Variants in GRIK4 observed in about 807,000 individuals in gnomAD.
GRIK4 encodes glutamate receptor ionotropic, kainate 4.
A neutral mutation model predicts 104.9 loss-of-function variants in GRIK4; 40 were observed. That is an observed-to-expected ratio of 0.38 (90% confidence interval 0.30 to 0.50). GRIK4 has a LOEUF of 0.50. GRIK4 is among the 20% of genes least tolerant of loss of function. GRIK4 has a pLI of 0.93. For synonymous variants in GRIK4, 485 were observed against 524.9 expected, an observed-to-expected ratio of 0.92 and a Z score of 1.04; for missense variants, 1,047 against 1,308.1, an observed-to-expected ratio of 0.80 and a Z score of 3.08.
At chr11:120,631,131 C>T (rs113449449) in intron 1 of GRIK4, among the ~76,000 whole-genome samples, 240 of 152,364 alleles carry the variant, frequency 1.6e-3, no homozygotes, top group African/African-American at 5.5e-3. Context: ...GCACTCAGCA[C>T]GGTGTCCGGC....
chr11:120,610,303 G>A (rs1949018674), intron 1 of GRIK4, among the ~76,000 whole-genome samples: 2 of 152,242 alleles, frequency 1.3e-5, no homozygotes, highest in African/African-American at 4.8e-5. Context: ...GGAAGTTAGA[G>A]GGGTGATTAA....
At chr11:120,833,230 T>TGTGC (rs2135567087) in intron 7 of GRIK4, among the ~76,000 whole-genome samples, 1 of 152,308 alleles carries the variant, frequency 6.6e-6, no homozygotes, top group South Asian at 2.1e-4. Flanking sequence ...TGTCTGTCTG[T>TGTGC]GTGCGTATAC....
At chr11:120,895,843 T>A (rs1806387752) in intron 11 of GRIK4, among the ~76,000 whole-genome samples, 1 of 152,196 alleles carries the variant, frequency 6.6e-6, no homozygotes, top group South Asian at 2.1e-4. Context: ...CAGTAACTAT[T>A]ACCCTTTCCC....
At chr11:120,928,090 C>G (rs1465667893) in intron 13 of GRIK4, among the ~76,000 whole-genome samples, 6 of 151,702 alleles carry the variant, frequency 4.0e-5, no homozygotes, top group Non-Finnish European at 7.4e-5. Context: ...TGGTGCACAA[C>G]TGTAATCCCA....
At chr11:120,582,359 A>G (rs1220064630) in intron 1 of GRIK4, among the ~76,000 whole-genome samples, 1 of 151,766 alleles carries the variant, frequency 6.6e-6, no homozygotes, top group Non-Finnish European at 1.5e-5. Context: ...GGTTTGTTAT[A>G]TAGGTAAATT....
At chr11:120,927,878 G>C (rs772730687) in intron 13 of GRIK4, among the ~76,000 whole-genome samples, 5 of 152,026 alleles carry the variant, frequency 3.3e-5, no homozygotes, top group Non-Finnish European at 7.4e-5. Flanking sequence ...AGGTTAACAG[G>C]TATCAGCAGA....
At chr11:120,536,560 C>T (rs770814585) in intron 1 of GRIK4, among the ~76,000 whole-genome samples, 3 of 152,126 alleles carry the variant, frequency 2.0e-5, no homozygotes, top group African/African-American at 4.8e-5. Flanking sequence ...TTCAGGTACT[C>T]GCTTAGTCAC....
chr11:120,595,197 C>T (rs1030905513), intron 1 of GRIK4, among the ~76,000 whole-genome samples: 2 of 152,244 alleles, frequency 1.3e-5, no homozygotes, highest in South Asian at 2.1e-4. Context: ...AGCCCGTGGT[C>T]GTGCTGTGCC....
intron 3 of GRIK4, among the ~76,000 whole-genome samples, chr11:120,670,267 C>G (rs79030435): frequency 2.0e-5 from 3 of 152,108 alleles, no homozygotes. Flanking sequence ...CTTTCTTGCC[C>G]CTCACTTTTC....
chr11:120,928,590 GA>G (rs1456592983), intron 13 of GRIK4, among the ~76,000 whole-genome samples: 9 of 152,108 alleles, frequency 5.9e-5, no homozygotes, highest in Non-Finnish European at 1.3e-4. Flanking sequence ...TTGGCCTCTT[GA>G]GTCAGCTTGG....
intron 1 of GRIK4, among the ~76,000 whole-genome samples, chr11:120,578,255 A>C (rs1012998985): frequency 1.3e-5 from 2 of 152,162 alleles, no homozygotes; most frequent in African/African-American, 2.4e-5. Context: ...GGAAATGAGA[A>C]CATGGAGGGA....
At chr11:120,926,026 A>G (rs116652542) in intron 13 of GRIK4, among the ~76,000 whole-genome samples, 1 of 152,270 alleles carries the variant, frequency 6.6e-6, no homozygotes, top group African/African-American at 2.4e-5. Flanking sequence ...AAATGAGCAT[A>G]TCTTCCTGAA....
chr11:120,963,562 A>G (rs796238978), intron 18 of GRIK4, among the ~76,000 whole-genome samples: 23 of 152,322 alleles, frequency 1.5e-4, no homozygotes, highest in African/African-American at 5.5e-4. Flanking sequence ...TTCTTGTACA[A>G]GGCAACAGGG....
At chr11:120,911,302 G>A (rs1462612385) in intron 13 of GRIK4, among the ~76,000 whole-genome samples, 7 of 149,184 alleles carry the variant, frequency 4.7e-5, no homozygotes, top group East Asian at 2.0e-4. Flanking sequence ...GCAGTGGCGC[G>A]ATCTCGACTC....
intron 1 of GRIK4, among the ~76,000 whole-genome samples, chr11:120,592,661 C>T (rs1034252245): frequency 6.6e-6 from 1 of 152,118 alleles, no homozygotes; most frequent in Non-Finnish European, 1.5e-5. Context: ...TCCCTCTGAG[C>T]GCAGCATCTC....
chr11:120,587,102 C>A (rs1591716219), intron 1 of GRIK4, among the ~76,000 whole-genome samples: 1 of 152,156 alleles, frequency 6.6e-6, no homozygotes, highest in African/African-American at 2.4e-5. Context: ...GTGTCTCTTT[C>A]TCTCTCTGTA....
chr11:120,553,156 G>A (rs1024169993), intron 1 of GRIK4, among the ~76,000 whole-genome samples: 5 of 152,236 alleles, frequency 3.3e-5, no homozygotes, highest in Admixed American at 6.5e-5. Context: ...TCGGCCCATA[G>A]GCAGTAGGTA....
chr11:120,862,005 A>G lies in GRIK4; in HGVS notation c.791A>G (p.Asn264Ser), dbSNP rs757581011. The G allele has an allele frequency of 1.9e-5, 31 of 1,613,854 alleles. 2 individuals carry two copies. Among genetic ancestry groups the G allele is most frequent in the Middle Eastern group, 3.3e-4 (2 of 6,062 alleles). Residue 264 changes from asparagine (N) to serine (S), a missense_variant, in exon 9 of 21, where the codon AAC becomes AGC. Asn to Ser is a conservative substitution (Grantham distance 46). Around this residue, in one of 3 missense-constraint regions of GRIK4, gnomAD observed 447 missense variants for 514.9 expected, o/e 0.87. Transcript: ENST00000527524. ...RMDSLVDDRV[N>S]ILGFSIFNQS... The stretch of plus-strand genomic sequence containing the variant: ...GACAGCCTTGTGGATGATCGTGTCA[A>G]CATCCTGGGATTTTCCATTTTCAAC...
chr11:120,964,767 C>G (rs1396053598), intron 18 of GRIK4, among the ~76,000 whole-genome samples: 1 of 151,410 alleles, frequency 6.6e-6, no homozygotes, highest in African/African-American at 2.4e-5. Flanking sequence ...ACTTAATAGT[C>G]CCCCCTGCAA....
Sources: allele counts gnomAD v4.1 joint callset (sites outside exome capture counted in the v4.1 genomes callset), GRCh38; gene constraint gnomAD v4.1.1; regional missense constraint gnomAD v4.1.1; transcripts MANE v1.5; gene names NCBI Gene and HGNC (gene_info 2026-07-23, HGNC 2026-07-21).